The following SYK variants were observed in gnomAD, a reference collection of about 807,000 sequenced individuals.
The protein encoded by SYK is spleen associated tyrosine kinase.
In SYK, 16 loss-of-function variants were observed where a neutral mutation model predicts 77.8. The ratio of observed to expected loss-of-function variants is 0.21; its 90% confidence interval spans 0.14 to 0.31. SYK has a LOEUF of 0.31. Ranked by LOEUF, SYK falls within the 10% of genes least tolerant of loss-of-function variation. The pLI is 1.00. For missense variants in SYK, 529 were observed against 814.4 expected (o/e 0.65, Z 4.26); for synonymous variants, 312 against 308.7 (o/e 1.01, Z -0.11).
chr9:90,816,496 G>A (rs1417382322), intron 1 of SYK, among the ~76,000 whole-genome samples: 1 of 152,176 alleles, frequency 6.6e-6, no homozygotes, highest in Admixed American at 6.5e-5. Flanking sequence ...TGTTTCCAAG[G>A]AGAAGCTTGA....
chr9:90,855,039 C>CACACAT (rs1554710212), intron 3 of SYK, among the ~76,000 whole-genome samples: 3 of 150,374 alleles, frequency 2.0e-5, no homozygotes, highest in Non-Finnish European at 4.4e-5. Context: ...CACACACACA[C>CACACAT]TTGAGAACCG....
At chr9:90,869,784 G>T (rs1224412602) in intron 7 of SYK, among the ~76,000 whole-genome samples, 1 of 152,190 alleles carries the variant, frequency 6.6e-6, no homozygotes, top group East Asian at 1.9e-4. Flanking sequence ...TTACTAACAG[G>T]CTGATGCATT....
chr9:90,851,588 G>C (rs924550451), intron 3 of SYK, among the ~76,000 whole-genome samples: 1 of 152,066 alleles, frequency 6.6e-6, no homozygotes, highest in Admixed American at 6.5e-5. Context: ...GCCCACGTTT[G>C]GTGGGTGAGG....
intron 13 of SYK, among the ~76,000 whole-genome samples, chr9:90,892,725 C>A (rs1254119350): frequency 6.6e-6 from 1 of 152,208 alleles, no homozygotes; most frequent in Non-Finnish European, 1.5e-5. Flanking sequence ...GTGGGGAAAG[C>A]CCTTGCAAAT....
intron 3 of SYK, among the ~76,000 whole-genome samples, chr9:90,849,443 C>T (rs1826732822): frequency 6.6e-6 from 1 of 152,144 alleles, no homozygotes; most frequent in African/African-American, 2.4e-5. Flanking sequence ...ATCCATTCTC[C>T]ATCTCCCAGC....
intron 1 of SYK, among the ~76,000 whole-genome samples, chr9:90,830,280 C>G (rs2065583): frequency 0.18 from 28,000 of 152,262 alleles, 3,051 homozygotes; most frequent in African/African-American, 0.3. Flanking sequence ...GTGATACCTA[C>G]TGACGAAGCC....
chr9:90,875,946 T>G (rs906033005), intron 9 of SYK, among the ~76,000 whole-genome samples: 3 of 152,162 alleles, frequency 2.0e-5, no homozygotes, highest in Non-Finnish European at 4.4e-5. Context: ...GTAGGTAATT[T>G]TTATGATTCA....
At chr9:90,847,872 C>T (rs1351439263) in intron 3 of SYK, among the ~76,000 whole-genome samples, 1 of 152,210 alleles carries the variant, frequency 6.6e-6, no homozygotes, top group African/African-American at 2.4e-5. Context: ...ATCATGAGCA[C>T]CAGGAAAGTC....
chr9:90,889,393 A>G (rs1422650542), intron 13 of SYK, among the ~76,000 whole-genome samples: 2 of 152,248 alleles, frequency 1.3e-5, no homozygotes, highest in Non-Finnish European at 2.9e-5. Flanking sequence ...GTGGTTTGTG[A>G]TCAGGAGGAC....
chr9:90,815,916 A>C (rs1825274485), intron 1 of SYK, among the ~76,000 whole-genome samples: 1 of 152,216 alleles, frequency 6.6e-6, no homozygotes. Context: ...CTGCTTCTCT[A>C]TCTGGCTGTA....
At chr9:90,805,408 T>C (rs1164084260) in intron 1 of SYK, among the ~76,000 whole-genome samples, 1 of 152,182 alleles carries the variant, frequency 6.6e-6, no homozygotes, top group African/African-American at 2.4e-5. Flanking sequence ...GAGAGATGTC[T>C]TGACCTGAGT....
At chr9:90,847,547 C>T (rs1826645630) in intron 3 of SYK, among the ~76,000 whole-genome samples, 1 of 152,252 alleles carries the variant, frequency 6.6e-6, no homozygotes, top group Admixed American at 6.5e-5. Flanking sequence ...CCACACCTTC[C>T]CGTGCTCCCT....
chr9:90,811,323 T>G (rs1825062684), intron 1 of SYK, among the ~76,000 whole-genome samples: 1 of 152,214 alleles, frequency 6.6e-6, no homozygotes, highest in Admixed American at 6.5e-5. Flanking sequence ...CACAGATGGG[T>G]GCTGACAGGG....
chr9:90,825,986 C>T (rs956684339), intron 1 of SYK, among the ~76,000 whole-genome samples: 1 of 152,152 alleles, frequency 6.6e-6, no homozygotes, highest in Non-Finnish European at 1.5e-5. Context: ...TCTGATTTGG[C>T]AGGTCAGGGT....
intron 3 of SYK, among the ~76,000 whole-genome samples, chr9:90,851,114 G>T (rs943392773): frequency 2.6e-5 from 4 of 152,130 alleles, no homozygotes; most frequent in Non-Finnish European, 4.4e-5. Context: ...CTTGTCCAAG[G>T]CAGGAAGGCA....
intron 7 of SYK, among the ~76,000 whole-genome samples, chr9:90,869,357 G>A (rs1587890714): frequency 6.6e-6 from 1 of 151,886 alleles, no homozygotes; most frequent in African/African-American, 2.4e-5. Flanking sequence ...ATAAGAAACT[G>A]GAAATAAATA....
In SYK at chr9:90,844,057, G is replaced by A; in HGVS notation, c.159G>A (p.Leu53=). The change falls in exon 2 of 14, where the codon CTG becomes CTA. Residue 53 remains leucine (L), a synonymous_variant. Transcript: ENST00000375754. ...QSRNYLGGFA[L]SVAHGRKAHH... ...GCAACTACCTGGGTGGCTTCGCCCT[G>A]TCCGTGGCCCACGGGAGGAAGGCAC... 3 of 1,612,760 alleles carry A rather than the reference G, an allele frequency of 1.9e-6. No homozygotes were observed. The highest frequency in any genetic ancestry group is 2.5e-6 in the Non-Finnish European group (3 of 1,179,282).
At chr9:90,829,557 C>T (rs927095866) in intron 1 of SYK, among the ~76,000 whole-genome samples, 6 of 152,178 alleles carry the variant, frequency 3.9e-5, no homozygotes, top group African/African-American at 1.2e-4. Flanking sequence ...CTGGAAATCA[C>T]GCAGTCCCCA....
chr9:90,890,184 C>T (rs1015001542), intron 13 of SYK, among the ~76,000 whole-genome samples: 1 of 152,130 alleles, frequency 6.6e-6, no homozygotes, highest in Non-Finnish European at 1.5e-5. Context: ...GAGCAGGGTG[C>T]GCAGCCAGGG....
Sources: allele counts gnomAD v4.1 joint callset (sites outside exome capture counted in the v4.1 genomes callset), GRCh38; gene constraint gnomAD v4.1.1; transcripts MANE v1.5; gene names NCBI Gene and HGNC (gene_info 2026-07-23, HGNC 2026-07-21).